POLR2F: variants seen among roughly 807,000 people sequenced by gnomAD.
The protein encoded by POLR2F is DNA-directed RNA polymerases I, II, and III subunit RPABC2.
Under a neutral mutation model 22.7 loss-of-function variants are expected in POLR2F, and 12 were observed. That is an observed-to-expected ratio of 0.53 (90% CI 0.34 to 0.86). The LOEUF is 0.86. Ranked by LOEUF, POLR2F falls within the 40% of genes least tolerant of loss-of-function variation. The pLI, the probability that POLR2F is intolerant of heterozygous loss-of-function variation, is 0.02. For missense variants in POLR2F, 126 were observed against 171.5 expected (o/e 0.73, Z 1.48); for synonymous variants, 57 against 66.0 (o/e 0.86, Z 0.66).
intron 5 of POLR2F, among the ~76,000 whole-genome samples, chr22:38,035,764 G>A (rs566600244): frequency 2.0e-5 from 3 of 152,320 alleles, no homozygotes; most frequent in Admixed American, 6.5e-5. Context: ...CCTGGCGGGA[G>A]CGGGTGGGAG....
In POLR2F at chr22:37,968,094, C is replaced by G. The variant is rs1449173954; in HGVS notation, c.*379C>G. ...CCCCCAATTTCCTTTCCAGTGGGGA[C>G]TGGCTGCAGGGGCTTCTCCCTTCTC... On this transcript the variant is annotated 3_prime_UTR_variant, in exon 5 of 5. Transcript: ENST00000442738. 1.0e-6 allele frequency: 1 copy of G among 1,000,176 alleles called. No homozygotes were observed. Among genetic ancestry groups the G allele is most frequent in the African/African-American group, 1.7e-5 (1 of 57,538 alleles). 62.0% of individuals were successfully genotyped at this position (1,000,176 alleles called of 1,614,324 possible).
intron 1 of POLR2F, among the ~76,000 whole-genome samples, chr22:37,954,033 A>G (rs1196975060): frequency 6.6e-6 from 1 of 152,210 alleles, no homozygotes; most frequent in Non-Finnish European, 1.5e-5. Flanking sequence ...GATCCGTAGA[A>G]AAGGTGTCCT....
chr22:38,026,045 A>T (rs765239636), exon 2 of POLR2F: 1 of 538,984 alleles, frequency 1.9e-6, no homozygotes, highest in East Asian at 5.4e-5. Flanking sequence ...AATAAGACGG[A>T]CTCTGCTGCC....
rs1932577901 is a variant in POLR2F at position 37,986,326 on chromosome 22, C to G, written c.120+14C>G. ...CTCTCTCTCCCGGTGGGTCCCCACT[C>G]ATCCTTCCACCCCTCAGTTCCTCCT... On this transcript the variant is annotated intron_variant, in intron 1 of 2. Transcript: ENST00000333418. The surrounding 1 kb of genome is among the most constrained non-coding windows in gnomAD (Gnocchi z 4.7). The G allele has an allele frequency of 6.5e-7, 1 of 1,534,356 alleles. No homozygotes were observed. The highest frequency in any genetic ancestry group is 2.4e-5 in the East Asian group (1 of 40,866).
intron 5 of POLR2F, chr22:38,032,629 C>T (rs2085077590): frequency 6.6e-6 from 1 of 152,362 alleles, no homozygotes; most frequent in Non-Finnish European, 1.5e-5. Context: ...GCCCTGTCCA[C>T]ACCCTGATTG....
intron 1 of POLR2F, among the ~76,000 whole-genome samples, chr22:38,012,383 GTTTTTAC>G (rs1319385833): frequency 1.3e-5 from 2 of 152,070 alleles, no homozygotes; most frequent in Admixed American, 6.6e-5. Flanking sequence ...CACCTGGCCT[GTTTTTAC>G]TTTTTAGTTT....
exon 3 of POLR2F, chr22:38,026,604 G>A (rs1396674462): frequency 3.4e-6 from 1 of 297,904 alleles, no homozygotes; most frequent in Non-Finnish European, 6.7e-6. Context: ...CGGCTCCCTG[G>A]AACTTCCCTG....
chr22:38,022,003 C>T (rs575160587), intron 1 of POLR2F, among the ~76,000 whole-genome samples: 19 of 148,658 alleles, frequency 1.3e-4, no homozygotes, highest in Non-Finnish European at 2.2e-4. Flanking sequence ...TGGTGGTGGA[C>T]GCCTGTAATC....
chr22:38,034,099 T>G (rs2085092258), intron 5 of POLR2F: 1 of 168,308 alleles, frequency 5.9e-6, no homozygotes, highest in South Asian at 2.1e-4. Flanking sequence ...CCGACTCCCC[T>G]TGTCAGCTCC....
chr22:38,038,754 C>T (rs1362098926), intron 5 of POLR2F, among the ~76,000 whole-genome samples: 3 of 151,712 alleles, frequency 2.0e-5, no homozygotes, highest in Non-Finnish European at 4.4e-5. Context: ...CTCGCTGGCT[C>T]TTCCCGGCCC....
intron 1 of POLR2F, among the ~76,000 whole-genome samples, chr22:38,007,214 G>A (rs1023039842): frequency 2.0e-5 from 3 of 152,120 alleles, no homozygotes; most frequent in Non-Finnish European, 4.4e-5. Context: ...CCATGTCTCC[G>A]GCAGGCCCCC....
chr22:37,990,865 G>A (rs1221693340), intron 1 of POLR2F, among the ~76,000 whole-genome samples: 2 of 152,246 alleles, frequency 1.3e-5, no homozygotes, highest in African/African-American at 4.8e-5. Flanking sequence ...CAAGAGGCCC[G>A]TGCCTGATCC....
At chr22:38,041,007 A>T in intron 5 of POLR2F, 1 of 1,610,444 alleles carries the variant, frequency 6.2e-7, no homozygotes, top group East Asian at 2.2e-5. Flanking sequence ...TATTTCATTC[A>T]TGTCATCCTC....
intron 1 of POLR2F, among the ~76,000 whole-genome samples, chr22:38,012,765 T>C (rs1184926038): frequency 6.6e-6 from 1 of 152,234 alleles, no homozygotes; most frequent in Non-Finnish European, 1.5e-5. Context: ...ACCATGTCCC[T>C]CAACTTGTTT....
rs1238979599 is a variant in POLR2F at position 38,005,477 on chromosome 22, G to A, written c.120+19165G>A. Among the ~76,000 whole-genome samples, 3 of 152,216 alleles carry A rather than the reference G, an allele frequency of 2.0e-5. No individual in the cohort carries two copies. The South Asian group carries it at 6.2e-4, about 32-fold the overall frequency. ...GGAACCACAAAGGATTTCAGCTCAG[G>A]GGTGATGGAACCCTATAGACCTTTA... On this transcript the variant is annotated intron_variant, in intron 1 of 2. Transcript: ENST00000333418.
rs373491395 is a variant in POLR2F at position 38,025,634 on chromosome 22, A to G, written c.121-235A>G. 179 of 1,560,762 alleles carry G rather than the reference A, an allele frequency of 1.1e-4. 1 individual carries two copies. Among genetic ancestry groups the G allele is most frequent in the Admixed American group, 8.1e-4 (41 of 50,640 alleles). Reference sequence around the variant, plus strand: ...GAGACCCTCCTACGCACTGGCCCACAGCCTAGGCTCTTTCAGCATCTCCTC... The same window carrying G: ...GAGACCCTCCTACGCACTGGCCCACGGCCTAGGCTCTTTCAGCATCTCCTC... On this transcript the variant is annotated intron_variant, in intron 1 of 2. Transcript: ENST00000333418.
At chr22:37,958,337 C>T (rs1931486713) in intron 2 of POLR2F, 1 of 151,764 alleles carries the variant, frequency 6.6e-6, no homozygotes, top group Admixed American at 6.6e-5. Flanking sequence ...TACAGGCGCC[C>T]ACCACCACGC....
intron 1 of POLR2F, chr22:37,988,191 A>C (rs1373432792): frequency 6.7e-6 from 1 of 149,366 alleles, no homozygotes; most frequent in South Asian, 2.1e-4. Flanking sequence ...TTAGCTGGGC[A>C]TGGTGGCAGG....
At chr22:38,000,263 C>T (rs914771466) in intron 1 of POLR2F, among the ~76,000 whole-genome samples, 2 of 152,204 alleles carry the variant, frequency 1.3e-5, no homozygotes, top group South Asian at 2.1e-4. Flanking sequence ...GGTTGTCCAG[C>T]CGGACCTTCT....
Sources: gnomAD v4.1 joint callset for allele counts (sites outside exome capture counted in the v4.1 genomes callset) on GRCh38, gnomAD v4.1.1 for gene constraint, Gnocchi (gnomAD v3.1) non-coding constraint, MANE v1.5 for transcripts, NCBI Gene and HGNC (gene_info 2026-07-23, HGNC 2026-07-21) for gene names.